The following CDH12 variants were observed in gnomAD, a reference collection of about 807,000 sequenced individuals.
CDH12 encodes the protein cadherin-12.
Under a neutral mutation model 74.1 loss-of-function variants are expected in CDH12, and 41 were observed. That is an observed-to-expected ratio of 0.55 (90% confidence interval 0.43 to 0.72). CDH12 has a LOEUF of 0.72. Among genes scored for constraint, CDH12 ranks in the 30% least tolerant of loss-of-function variants. CDH12 has a pLI of 0.00. For missense variants in CDH12, 945 were observed against 977.2 expected, an observed-to-expected ratio of 0.97 and a Z score of 0.44; for synonymous variants, 399 against 355.0, an observed-to-expected ratio of 1.12 and a Z score of -1.39.
chr5:22,108,567 T>C (rs1008785910), intron 4 of CDH12, among the ~76,000 whole-genome samples: 1 of 152,212 alleles, frequency 6.6e-6, no homozygotes, highest in African/African-American at 2.4e-5. Context: ...AATTGTGGCA[T>C]CTTGCCATGA....
chr5:22,801,289 T>G (rs1748497088), intron 1 of CDH12, among the ~76,000 whole-genome samples: 1 of 152,052 alleles, frequency 6.6e-6, no homozygotes, highest in African/African-American at 2.4e-5. Flanking sequence ...ATTCAGTACA[T>G]CAGAAAATTA....
chr5:22,771,633 T>C (rs114896773), intron 1 of CDH12, among the ~76,000 whole-genome samples: 2,021 of 152,224 alleles, frequency 0.013, 40 homozygotes, highest in African/African-American at 0.046. Flanking sequence ...CAAAATATAA[T>C]CAATTTGTAA....
chr5:22,392,023 G>A (rs1447352553), intron 3 of CDH12, among the ~76,000 whole-genome samples: 9 of 152,122 alleles, frequency 5.9e-5, no homozygotes, highest in Admixed American at 1.3e-4. Context: ...AATGTCAGAC[G>A]AGAAAACTTG....
intron 10 of CDH12, among the ~76,000 whole-genome samples, chr5:21,794,075 G>A (rs1746646679): frequency 6.6e-6 from 1 of 151,368 alleles, no homozygotes; most frequent in African/African-American, 2.4e-5. Context: ...ATATGTATGT[G>A]GATATGTGCA....
chr5:21,909,504 G>A (rs1023869670), intron 6 of CDH12, among the ~76,000 whole-genome samples: 1 of 151,860 alleles, frequency 6.6e-6, no homozygotes, highest in Non-Finnish European at 1.5e-5. Context: ...ATTACAATTA[G>A]GATTAAAAAA....
chr5:22,153,287 T>C (rs1237551286), intron 4 of CDH12, among the ~76,000 whole-genome samples: 2 of 151,776 alleles, frequency 1.3e-5, no homozygotes, highest in Non-Finnish European at 1.5e-5. Flanking sequence ...CCTAAAATTC[T>C]TTATAAATTG....
intron 2 of CDH12, among the ~76,000 whole-genome samples, chr5:22,418,682 G>A (rs1394068703): frequency 2.6e-5 from 4 of 151,976 alleles, no homozygotes; most frequent in African/African-American, 7.3e-5. Context: ...TCAGGAATTC[G>A]AGACCAGCCT....
At chr5:22,209,759 G>T (rs994267379) in intron 4 of CDH12, among the ~76,000 whole-genome samples, 1 of 151,868 alleles carries the variant, frequency 6.6e-6, no homozygotes, top group African/African-American at 2.4e-5. Context: ...GTGTAAACAA[G>T]AGTTCACCTG....
chr5:22,087,725 A>G (rs1743164438), intron 4 of CDH12, among the ~76,000 whole-genome samples: 1 of 152,234 alleles, frequency 6.6e-6, no homozygotes, highest in South Asian at 2.1e-4. Context: ...CTTCATAAAA[A>G]TTCAAGATCT....
At chr5:22,042,889 CAAAA>C (rs1171549252) in intron 5 of CDH12, among the ~76,000 whole-genome samples, 46 of 56,058 alleles carry the variant, frequency 8.2e-4, no homozygotes, top group African/African-American at 2.2e-3. Context: ...GATTCTATCT[CAAAA>C]AAAAAAAAAA....
At chr5:22,205,732 A>T (rs1201376874) in intron 4 of CDH12, among the ~76,000 whole-genome samples, 2 of 152,102 alleles carry the variant, frequency 1.3e-5, no homozygotes, top group Non-Finnish European at 2.9e-5. Flanking sequence ...ATGTTACCAG[A>T]GAAGTCAGCA....
chr5:22,783,525 G>A (rs1747483635), intron 1 of CDH12, among the ~76,000 whole-genome samples: 1 of 152,158 alleles, frequency 6.6e-6, no homozygotes, highest in African/African-American at 2.4e-5. Context: ...AGGCTTTCTA[G>A]AGTTATACAA....
chr5:22,844,250 C>T (rs1191605425), intron 1 of CDH12, among the ~76,000 whole-genome samples: 1 of 152,044 alleles, frequency 6.6e-6, no homozygotes, highest in Non-Finnish European at 1.5e-5. Flanking sequence ...CCTATAATAA[C>T]TTGGAAATCT....
chr5:21,794,120 A>G (rs1289527638), intron 10 of CDH12, among the ~76,000 whole-genome samples: 18 of 151,558 alleles, frequency 1.2e-4, no homozygotes, highest in Non-Finnish European at 4.4e-5. Flanking sequence ...AGGTAGATCT[A>G]TATCTAGATG....
chr5:22,371,475 G>A lies in CDH12; in HGVS notation c.-333+33782C>T, dbSNP rs189990552. ...AGGCCATCTTACTTCTCTGTAAGTA[G>A]AGTGATACAGTTTGAGATGTTATTT... On this transcript the variant is annotated intron_variant, in intron 3 of 14. Transcript: ENST00000382254. Among the ~76,000 whole-genome samples the A allele has an allele frequency of 3.9e-5, 6 of 152,222 alleles. No individual in the cohort carries two copies. In the East Asian group the frequency reaches 1.2e-3, roughly 29 times the overall value.
intron 1 of CDH12, among the ~76,000 whole-genome samples, chr5:22,647,410 T>C (rs567755237): frequency 6.6e-6 from 1 of 151,954 alleles, no homozygotes; most frequent in East Asian, 1.9e-4. Context: ...AAGCTTGGTA[T>C]GCCATAACAA....
chr5:22,111,895 G>A (rs192453967), intron 4 of CDH12, among the ~76,000 whole-genome samples: 19 of 152,000 alleles, frequency 1.3e-4, no homozygotes, highest in East Asian at 7.7e-4. Flanking sequence ...ATGACTTTTC[G>A]TGTCTATATT....
chr5:22,167,063 C>T (rs1748726409), intron 4 of CDH12, among the ~76,000 whole-genome samples: 3 of 152,182 alleles, frequency 2.0e-5, no homozygotes, highest in Middle Eastern at 3.4e-3. Context: ...GGAGGCTAAA[C>T]ATGATTATTC....
chr5:21,891,600 C>CACACACACACAT (rs1201991058), intron 6 of CDH12, among the ~76,000 whole-genome samples: 2 of 151,630 alleles, frequency 1.3e-5, no homozygotes, highest in East Asian at 3.9e-4. Context: ...CACACACACA[C>CACACACACACAT]ACTCTTTCTG....
Sources: allele counts gnomAD v4.1 joint callset (sites outside exome capture counted in the v4.1 genomes callset), GRCh38; gene constraint gnomAD v4.1.1; transcripts MANE v1.5; gene names NCBI Gene and HGNC (gene_info 2026-07-23, HGNC 2026-07-21).